GABBR2: variants seen among roughly 807,000 people sequenced by gnomAD.
The protein encoded by GABBR2 is gamma-aminobutyric acid type B receptor subunit 2.
GABBR2 carries 23 observed loss-of-function variants against 105.6 expected under a neutral mutation model. The observed-to-expected ratio is 0.22, with a 90% CI of 0.16 to 0.31. GABBR2 has a LOEUF of 0.31. Among genes scored for constraint, GABBR2 ranks in the 10% least tolerant of loss-of-function variants. The pLI is 1.00. For synonymous variants in GABBR2, 478 were observed against 499.7 expected, an observed-to-expected ratio of 0.96 and a Z score of 0.58; for missense variants, 734 against 1,245.5, an observed-to-expected ratio of 0.59 and a Z score of 6.18.
At chr9:98,378,102 T>G (rs1434360718) in intron 11 of GABBR2, among the ~76,000 whole-genome samples, 1 of 152,210 alleles carries the variant, frequency 6.6e-6, no homozygotes, top group East Asian at 1.9e-4. Flanking sequence ...ACCACAGATT[T>G]ATGGCCTTTT....
At chr9:98,431,698 G>T (rs1274989270) in intron 7 of GABBR2, among the ~76,000 whole-genome samples, 4 of 151,178 alleles carry the variant, frequency 2.6e-5, no homozygotes, top group Non-Finnish European at 5.9e-5. Flanking sequence ...TTTTTGTTTT[G>T]TTTTGTTTTG....
intron 5 of GABBR2, 91 bp downstream of exon 5, chr9:98,480,841 C>T (rs1826905752): frequency 1.3e-6 from 1 of 785,302 alleles, no homozygotes; most frequent in African/African-American, 1.7e-5. Context: ...TCCTGTGATC[C>T]CACTCACAGA....
intron 3 of GABBR2, among the ~76,000 whole-genome samples, chr9:98,499,079 C>T (rs556412705): frequency 1.0e-3 from 157 of 152,300 alleles, no homozygotes; most frequent in Non-Finnish European, 1.9e-3. Context: ...GGGGTTGACT[C>T]AAGGCTCAGC....
At chr9:98,386,414 C>T (rs1040122153) in intron 10 of GABBR2, among the ~76,000 whole-genome samples, 31 of 152,218 alleles carry the variant, frequency 2.0e-4, no homozygotes, top group African/African-American at 7.5e-4. Context: ...ACAAAGACAG[C>T]CACACATGTG....
intron 8 of GABBR2, among the ~76,000 whole-genome samples, chr9:98,395,840 G>A (rs1019383051): frequency 2.6e-5 from 4 of 152,122 alleles, no homozygotes; most frequent in Non-Finnish European, 4.4e-5. Flanking sequence ...CCCCAGGGAA[G>A]AGCAGGCTTG....
intron 1 of GABBR2, among the ~76,000 whole-genome samples, chr9:98,691,151 A>C (rs1830677050): frequency 6.6e-6 from 1 of 152,222 alleles, no homozygotes; most frequent in Admixed American, 6.5e-5. Flanking sequence ...ATCTGAGGGC[A>C]GACTCACTCC....
chr9:98,662,255 G>A (rs1205336232), intron 1 of GABBR2, among the ~76,000 whole-genome samples: 2 of 152,162 alleles, frequency 1.3e-5, no homozygotes, highest in African/African-American at 2.4e-5. Flanking sequence ...GTGGCATGCT[G>A]AAGCAGTGAA....
chr9:98,342,294 A>G (rs1040670967), intron 13 of GABBR2, among the ~76,000 whole-genome samples: 1 of 152,050 alleles, frequency 6.6e-6, no homozygotes, highest in African/African-American at 2.4e-5. Flanking sequence ...GCAGGCATAG[A>G]GGAAGAGAGT....
intron 11 of GABBR2, among the ~76,000 whole-genome samples, chr9:98,379,039 G>A (rs575922927): frequency 6.6e-5 from 10 of 152,248 alleles, no homozygotes; most frequent in Admixed American, 2.0e-4. Context: ...CTACATGGCC[G>A]CAGCATCCTC....
intron 5 of GABBR2, among the ~76,000 whole-genome samples, chr9:98,476,281 G>A (rs1450121435): frequency 1.3e-5 from 2 of 152,190 alleles, no homozygotes; most frequent in Non-Finnish European, 2.9e-5. Context: ...TCTTGTAAGT[G>A]AGTTTTCCAG....
At chr9:98,591,309 G>A (rs1829141663) in intron 1 of GABBR2, among the ~76,000 whole-genome samples, 2 of 152,216 alleles carry the variant, frequency 1.3e-5, no homozygotes, top group African/African-American at 4.8e-5. Flanking sequence ...GGTCCATCGT[G>A]TTCACTAGCA....
chr9:98,402,713 T>A (rs1239709662), intron 8 of GABBR2, among the ~76,000 whole-genome samples: 2 of 151,806 alleles, frequency 1.3e-5, no homozygotes, highest in Non-Finnish European at 2.9e-5. Flanking sequence ...CACCTGGGAG[T>A]TGCCTCACCC....
At chr9:98,580,582 G>T (rs1452900748) in intron 1 of GABBR2, among the ~76,000 whole-genome samples, 1 of 152,168 alleles carries the variant, frequency 6.6e-6, no homozygotes, top group Non-Finnish European at 1.5e-5. Flanking sequence ...GAGGTCAGGA[G>T]TTTGAGAACA....
intron 7 of GABBR2, among the ~76,000 whole-genome samples, chr9:98,418,160 G>A (rs970793077): frequency 6.6e-6 from 1 of 152,152 alleles, no homozygotes; most frequent in African/African-American, 2.4e-5. Flanking sequence ...ATGGGGGAAG[G>A]ACTGGAAGCA....
Position 98,452,262 on chromosome 9 carries a change from C to G in GABBR2, c.1236+1719G>C, listed in dbSNP as rs1209163976. On this transcript the variant is annotated intron_variant, in intron 7 of 18. Transcript: ENST00000259455. ...CTTATCTACCCTTTATTCCTCAAGA[C>G]AGACTGACTCTATTCTGAATCTGTA... 1.3e-5 allele frequency among the ~76,000 whole-genome samples: 2 copies of G among 152,234 alleles called. 1 individual carries two copies. The highest frequency in any genetic ancestry group is 3.8e-4 in the East Asian group (2 of 5,198).
chr9:98,323,380 C>T (rs1021191673), intron 13 of GABBR2, among the ~76,000 whole-genome samples: 1 of 152,248 alleles, frequency 6.6e-6, no homozygotes, highest in Non-Finnish European at 1.5e-5. Flanking sequence ...AAAGCCCTGC[C>T]ATAAATTAGA....
intron 7 of GABBR2, among the ~76,000 whole-genome samples, chr9:98,427,680 G>A (rs1268455844): frequency 1.3e-5 from 2 of 151,886 alleles, no homozygotes; most frequent in Admixed American, 6.6e-5. Flanking sequence ...AAAAGATGCC[G>A]CAGCCTCAGT....
intron 1 of GABBR2, among the ~76,000 whole-genome samples, chr9:98,584,846 C>T (rs1335729455): frequency 6.6e-6 from 1 of 152,178 alleles, no homozygotes; most frequent in Non-Finnish European, 1.5e-5. Context: ...CACGCAGGAG[C>T]ACTCAGTATC....
At chr9:98,582,181 T>C (rs1287233298) in intron 1 of GABBR2, among the ~76,000 whole-genome samples, 2 of 152,238 alleles carry the variant, frequency 1.3e-5, no homozygotes, top group Non-Finnish European at 2.9e-5. Flanking sequence ...CCTTAAATTA[T>C]GATACAGGTA....
Sources: allele counts gnomAD v4.1 joint callset (sites outside exome capture counted in the v4.1 genomes callset), GRCh38; gene constraint gnomAD v4.1.1; transcripts MANE v1.5; gene names NCBI Gene and HGNC (gene_info 2026-07-23, HGNC 2026-07-21).